The following MTMR9 variants were observed in gnomAD, a reference collection of about 807,000 sequenced individuals.
The protein encoded by MTMR9 is myotubularin related protein 9.
In MTMR9, 39 loss-of-function variants were observed where a neutral mutation model predicts 69.5. The ratio of observed to expected loss-of-function variants is 0.56; its 90% CI spans 0.43 to 0.73. MTMR9 has a LOEUF of 0.73. Ranked by LOEUF, MTMR9 falls within the 30% of genes least tolerant of loss-of-function variation. The pLI is 0.00. For synonymous variants in MTMR9, 354 were observed against 240.8 expected, an observed-to-expected ratio of 1.47 and a Z score of -4.35; for missense variants, 900 against 671.2, an observed-to-expected ratio of 1.34 and a Z score of -3.77.
intron 8 of MTMR9, chr8:11,319,246 A>C (rs1800559294): frequency 6.5e-6 from 1 of 152,796 alleles, no homozygotes; most frequent in Non-Finnish European, 1.5e-5. Context: ...AGAAAAATAA[A>C]TAGGACATAA....
downstream of MTMR9, chr8:11,331,115 C>A (rs755188953): frequency 5.6e-6 from 9 of 1,593,630 alleles, no homozygotes; most frequent in Non-Finnish European, 7.7e-6. Context: ...AGATGGCTGG[C>A]AGTCACCCCT....
At chr8:11,296,817 TTTTG>T (rs779960553) in intron 2 of MTMR9, among the ~76,000 whole-genome samples, 9 of 152,198 alleles carry the variant, frequency 5.9e-5, no homozygotes, top group Non-Finnish European at 1.3e-4. Flanking sequence ...GATTATAGTT[TTTTG>T]TTTGTTTTTA....
chr8:11,338,312 G>C, the MTMR9 span, among the ~76,000 whole-genome samples: 1 of 152,212 alleles, frequency 6.6e-6, no homozygotes, highest in Non-Finnish European at 1.5e-5. Context: ...GGAGTGTCCA[G>C]AGGTCTTCCC....
intron 6 of MTMR9, 108 bp from the exon 7 acceptor site, chr8:11,314,813 CTG>C (rs1800343556): frequency 2.0e-6 from 2 of 1,011,244 alleles, no homozygotes; most frequent in Non-Finnish European, 1.5e-6. Context: ...ACTAAATAAA[CTG>C]AACTCAGTAG....
At chr8:11,314,034 C>A (rs1252539432) in intron 6 of MTMR9, among the ~76,000 whole-genome samples, 1 of 152,136 alleles carries the variant, frequency 6.6e-6, no homozygotes, top group Admixed American at 6.5e-5. Flanking sequence ...TATCCTAGTT[C>A]TGAAGATGAC....
At chr8:11,331,083 G>A, downstream of MTMR9, 1 of 1,574,446 alleles carries the variant, frequency 6.4e-7, no homozygotes, top group Middle Eastern at 1.8e-4. Flanking sequence ...TGAGCCAGGA[G>A]GAGAGGAGAA....
intron 4 of MTMR9, 57 bp downstream of exon 4, chr8:11,305,071 CG>C: frequency 6.5e-7 from 1 of 1,527,120 alleles, no homozygotes; most frequent in Non-Finnish European, 9.0e-7. Context: ...GGGATCTTTT[CG>C]TAGAAATGTT....
In MTMR9 at chr8:11,287,492, G is replaced by A. The variant is rs530440675; in HGVS notation, c.182+2422G>A. On this transcript the variant is annotated intron_variant, in intron 1 of 9. Transcript: ENST00000221086. Reference sequence around the variant, plus strand: ...GCGTGGTGTAGTGAAAGAGCATAGGGGAGGCATCAGATCAGAGTTTGTTAA... The same window carrying A: ...GCGTGGTGTAGTGAAAGAGCATAGGAGAGGCATCAGATCAGAGTTTGTTAA... Among the ~76,000 whole-genome samples the A allele has an allele frequency of 2.6e-5, 4 of 151,600 alleles. No individual in the cohort carries two copies. In the South Asian group the frequency reaches 8.3e-4, roughly 32 times the overall value.
chr8:11,299,965 G>T (rs1001863493), intron 2 of MTMR9, 58 bp from the exon 3 acceptor site: 2 of 1,576,470 alleles, frequency 1.3e-6, no homozygotes, highest in Non-Finnish European at 1.7e-6. Context: ...TTGTCAGTTA[G>T]AATATGTTTC....
At chr8:11,333,007 A>G (rs566908548), downstream of MTMR9, among the ~76,000 whole-genome samples, 1 of 152,322 alleles carries the variant, frequency 6.6e-6, no homozygotes, top group African/African-American at 2.4e-5. Context: ...AAAAATAGTG[A>G]ATAGACTTCA....
chr8:11,317,158 A>T (rs1289688633), intron 8 of MTMR9: 1 of 243,252 alleles, frequency 4.1e-6, no homozygotes, highest in Non-Finnish European at 7.8e-6. Context: ...TTAACATAGG[A>T]TCATAGTATC....
intron 1 of MTMR9, among the ~76,000 whole-genome samples, chr8:11,294,269 C>T (rs185914880): frequency 2.9e-3 from 439 of 152,072 alleles, no homozygotes; most frequent in African/African-American, 0.01. Flanking sequence ...GCAATGTTGA[C>T]TAGAAGTGGT....
chr8:11,328,968 G>A (rs923847770), downstream of MTMR9, among the ~76,000 whole-genome samples: 5 of 152,172 alleles, frequency 3.3e-5, no homozygotes, highest in Non-Finnish European at 7.4e-5. Context: ...TACCGTGTAA[G>A]GTAAGGGCCC....
At chr8:11,311,439 C>T (rs992053625) in intron 6 of MTMR9, among the ~76,000 whole-genome samples, 1 of 152,162 alleles carries the variant, frequency 6.6e-6, no homozygotes, top group Non-Finnish European at 1.5e-5. Flanking sequence ...CACAGTAAAG[C>T]AAGTCATGCA....
At chr8:11,295,771 A>C (rs4141831) in intron 2 of MTMR9, among the ~76,000 whole-genome samples, 1 of 152,220 alleles carries the variant, frequency 6.6e-6, no homozygotes, top group East Asian at 1.9e-4. Context: ...AGGTTTGTTC[A>C]AGTAAAATCT....
intron 3 of MTMR9, among the ~76,000 whole-genome samples, chr8:11,301,233 A>C (rs1799736648): frequency 6.6e-6 from 1 of 152,244 alleles, no homozygotes; most frequent in African/African-American, 2.4e-5. Context: ...AAGTCAAAAC[A>C]GCTTTGAGAA....
the MTMR9 span, among the ~76,000 whole-genome samples, chr8:11,337,396 C>G: frequency 6.6e-6 from 1 of 152,206 alleles, no homozygotes; most frequent in Admixed American, 6.5e-5. Flanking sequence ...TCTTAACGTT[C>G]TCCAGACCAT....
downstream of MTMR9, among the ~76,000 whole-genome samples, chr8:11,329,281 C>G (rs116881773): frequency 0.023 from 3,437 of 152,292 alleles, 57 homozygotes; most frequent in Non-Finnish European, 0.029. Context: ...GCAGTCCTTG[C>G]TACTCAGAAG....
At chr8:11,308,828 C>G (rs1273862830) in intron 5 of MTMR9, among the ~76,000 whole-genome samples, 2 of 152,166 alleles carry the variant, frequency 1.3e-5, no homozygotes, top group Non-Finnish European at 2.9e-5. Context: ...TAGGCGAAAG[C>G]TGTGCTCTTG....
Sources: gnomAD v4.1 joint callset for allele counts (sites outside exome capture counted in the v4.1 genomes callset) on GRCh38, gnomAD v4.1.1 for gene constraint, MANE v1.5 for transcripts, NCBI Gene and HGNC (gene_info 2026-07-23, HGNC 2026-07-21) for gene names.